Variants in OR52K1 observed in about 807,000 individuals in gnomAD.
The protein encoded by OR52K1 is olfactory receptor family 52 subfamily K member 1.
Under a neutral mutation model 8.7 loss-of-function variants are expected in OR52K1, and 10 were observed. The observed-to-expected ratio is 1.15, with a 90% CI of 0.71 to 1.95. The LOEUF is 1.95. Ranked by LOEUF, OR52K1 falls within the 30% of genes most tolerant of loss-of-function variation. The pLI, the probability that OR52K1 is intolerant of heterozygous loss-of-function variation, is 0.00. For missense variants in OR52K1, 431 were observed against 397.2 expected, an observed-to-expected ratio of 1.08 and a Z score of -0.72; for synonymous variants, 203 against 148.5, an observed-to-expected ratio of 1.37 and a Z score of -2.67.
At position 4,489,005 on chromosome 11, in the gene OR52K1, T is replaced by A. The variant is rs767884671; in HGVS notation, c.105T>A (p.Phe35Leu). 6.2e-7 allele frequency: 1 copy of A among 1,614,068 alleles called. No individual in the cohort carries two copies. The highest frequency in any genetic ancestry group is 1.3e-5 in the African/African-American group (1 of 74,934). The change falls in exon 2 of 2, where the codon TTT becomes TTA. Residue 35 changes from phenylalanine to leucine, a missense_variant. By Grantham distance (22) the Phe-to-Leu change is conservative (BLOSUM62 0). Coordinates refer to ENST00000641528, the MANE Select transcript of OR52K1 (RefSeq NM_001005171.3). ...CCTGGATCTCCATCCCCTTCTGCTTTGCTTATACTCTGGCCCTGCTAGGCA... is the reference window on the plus strand; with the variant it reads ...CCTGGATCTCCATCCCCTTCTGCTTAGCTTATACTCTGGCCCTGCTAGGCA... ...LHAWISIPFC[F>L]AYTLALLGNC...
chr11:4,489,528 G>C lies in OR52K1; in HGVS notation c.628G>C (p.Val210Leu). Reference sequence around the variant, plus strand: ...CATTGCTGTGGCCATGTTTATTGTGGTGTTGGACCTGCTCTTTGTTATCCT... The same window carrying C: ...CATTGCTGTGGCCATGTTTATTGTGCTGTTGGACCTGCTCTTTGTTATCCT... ...YGIAVAMFIVVLDLLFVILSY... is the reference protein window; with the variant it reads ...YGIAVAMFIVLLDLLFVILSY... The change falls in exon 2 of 2, where the codon GTG becomes CTG. Residue 210 changes from valine to leucine, a missense_variant. Coordinates refer to ENST00000641528, the MANE Select transcript of OR52K1 (RefSeq NM_001005171.3). 1 of 1,614,210 alleles carries C rather than the reference G, an allele frequency of 6.2e-7. No homozygotes were observed. Among genetic ancestry groups the C allele is most frequent in the Non-Finnish European group, 8.5e-7 (1 of 1,180,036 alleles).
rs149105516 is a variant in OR52K1, at chr11:4,493,035, G to GGA, written c.*3202_*3203dup. The GGA allele has an allele frequency of 0.03, 4,642 of 153,378 alleles. 85 individuals carry two copies. The highest frequency in any genetic ancestry group is 0.042 in the East Asian group (221 of 5,238). The allele number at this position is 153,378 out of a possible 1,614,324, so 9.5% of individuals were successfully genotyped here. On this transcript the variant is annotated 3_prime_UTR_variant, in exon 2 of 2. Coordinates refer to ENST00000641528, the MANE Select transcript of OR52K1 (RefSeq NM_001005171.3). ...CCCTTCCCTGTTTGGCAGCCAAGAA[G>GGA]GAGAGAGAGAGAGGACAGCTTACAC...
intron 1 of OR52K1, among the ~76,000 whole-genome samples, chr11:4,486,380 C>A (rs1207859945): frequency 6.6e-6 from 1 of 152,188 alleles, no homozygotes; most frequent in South Asian, 2.1e-4. Context: ...AGTAAGGCAA[C>A]TTTGGATCCA....
chr11:4,489,613 A>G lies in OR52K1; in HGVS notation c.713A>G (p.Lys238Arg), dbSNP rs1215956400. The G allele has an allele frequency of 6.2e-7, 1 of 1,614,144 alleles. No individual in the cohort carries two copies. The highest frequency in any genetic ancestry group is 1.1e-5 in the South Asian group (1 of 91,088). Residue 238 changes from lysine (K) to arginine (R), a missense_variant, in exon 2 of 2, where the codon AAG becomes AGG. Transcript: ENST00000641528. ...LQLASQEARY[K>R]AFGTCVSHIG... Reference sequence around the variant, plus strand: ...CTTGCCTCTCAGGAGGCCCGCTACAAGGCATTTGGGACATGTGTGTCTCAC... The same window carrying G: ...CTTGCCTCTCAGGAGGCCCGCTACAGGGCATTTGGGACATGTGTGTCTCAC...
Position 4,488,856 on chromosome 11 carries a change from G to C in OR52K1, c.-45G>C, listed in dbSNP as rs768819550. On this transcript the variant is annotated 5_prime_UTR_variant, in exon 2 of 2. Coordinates refer to ENST00000641528, the MANE Select transcript of OR52K1 (RefSeq NM_001005171.3). ...TATACTGTAGAAGGTATATATAGAA[G>C]GTGAAGAAGCCCTGTAAAAATTGAC... is the stretch of plus-strand genomic sequence containing the variant. 3.0e-6 allele frequency: 4 copies of C among 1,355,652 alleles called. No individual in the cohort carries two copies. In the Admixed American group the frequency reaches 7.0e-5, roughly 24 times the overall value. 84.0% of individuals were successfully genotyped at this position (1,355,652 alleles called of 1,614,324 possible). A position where few individuals can be genotyped will look rare whatever the true frequency, so the allele number is the denominator to read the frequency against.
At chr11:4,484,427 G>T (rs1484000791) in intron 1 of OR52K1, among the ~76,000 whole-genome samples, 1 of 152,102 alleles carries the variant, frequency 6.6e-6, no homozygotes, top group Non-Finnish European at 1.5e-5. Context: ...TATGATGCAG[G>T]AAGAAAAGAG....
intron 1 of OR52K1, among the ~76,000 whole-genome samples, chr11:4,485,257 A>T (rs1329924730): frequency 6.6e-6 from 1 of 152,104 alleles, no homozygotes; most frequent in East Asian, 1.9e-4. Flanking sequence ...CTCTTCTCCC[A>T]TCCATTCTTA....
At chr11:4,486,368 T>C (rs1846320921) in intron 1 of OR52K1, among the ~76,000 whole-genome samples, 1 of 152,220 alleles carries the variant, frequency 6.6e-6, no homozygotes, top group African/African-American at 2.4e-5. Context: ...ATTATCCATC[T>C]CAGTAAGGCA....
chr11:4,482,923 T>G lies in OR52K1; in HGVS notation c.-582T>G. ...ATAGAGGGAACAGAAGTCTCGATAG[T>G]CCCACCCAACTGTTTGGTACACAAA... On this transcript the variant is annotated 5_prime_UTR_variant, in exon 1 of 2. Coordinates refer to ENST00000641528, the MANE Select transcript of OR52K1 (RefSeq NM_001005171.3). 2.6e-6 allele frequency: 1 copy of G among 386,742 alleles called. No homozygotes were observed. Among genetic ancestry groups the G allele is most frequent in the East Asian group, 3.7e-5 (1 of 27,394 alleles). 24.0% of individuals were successfully genotyped at this position (386,742 alleles called of 1,614,324 possible). A position where few individuals can be genotyped will look rare whatever the true frequency, so the allele number is the denominator to read the frequency against.
Position 4,488,641 on chromosome 11 carries a change from A to C in OR52K1, c.-260A>C. ...TCCATTCCTTTATGAAAGTTGTCTTAGAATATTAAATATCCATAGAATTGA... is the reference window on the plus strand; with the variant it reads ...TCCATTCCTTTATGAAAGTTGTCTTCGAATATTAAATATCCATAGAATTGA... On this transcript the variant is annotated 5_prime_UTR_variant, in exon 2 of 2. Transcript: ENST00000641528. The C allele has an allele frequency of 2.2e-6, 1 of 446,784 alleles. No homozygotes were observed. The highest frequency in any genetic ancestry group is 4.0e-6 in the Non-Finnish European group (1 of 252,118). The allele number at this position is 446,784 out of a possible 1,614,324, so 27.7% of individuals were successfully genotyped here. A position where few individuals can be genotyped will look rare whatever the true frequency, so the allele number is the denominator to read the frequency against.
In OR52K1 at chr11:4,489,224, C is replaced by A. The variant is rs757354444; in HGVS notation, c.324C>A (p.Ser108=). 1 of 1,614,030 alleles carries A rather than the reference C, an allele frequency of 6.2e-7. No homozygotes were observed. Among genetic ancestry groups the A allele is most frequent in the African/African-American group, 1.3e-5 (1 of 74,868 alleles). ...TGGTCCAGATGTTCTTCCTTCACTCCTTCTCCATCATGGAGTCAGCAGTGC... is the reference window on the plus strand; with the variant it reads ...TGGTCCAGATGTTCTTCCTTCACTCATTCTCCATCATGGAGTCAGCAGTGC... ...ACLVQMFFLH[S]FSIMESAVLL... is the part of the protein sequence containing the mutation. The change falls in exon 2 of 2, where the codon TCC becomes TCA. Residue 108 remains serine, a synonymous_variant. Coordinates refer to ENST00000641528, the MANE Select transcript of OR52K1 (RefSeq NM_001005171.3).
chr11:4,483,515 A>G (rs1305225429), intron 1 of OR52K1, among the ~76,000 whole-genome samples: 1 of 152,240 alleles, frequency 6.6e-6, no homozygotes, highest in Non-Finnish European at 1.5e-5. Context: ...ACTCCTACTC[A>G]GAGCACTTCA....
In OR52K1 at chr11:4,489,957, G is replaced by C. The variant is rs1846360162; in HGVS notation, c.*112G>C. On this transcript the variant is annotated 3_prime_UTR_variant, in exon 2 of 2. Transcript: ENST00000641528. ...GCAGAGTATCTTTGACAATTCTCTA[G>C]TATGATAAGGAAAATGAGGTTTCAT... 3.9e-6 allele frequency: 3 copies of C among 761,778 alleles called. No individual in the cohort carries two copies. In the Admixed American group the frequency reaches 7.8e-5, roughly 20 times the overall value. 47.2% of individuals were successfully genotyped at this position (761,778 alleles called of 1,614,324 possible).
rs200081615 is a variant in OR52K1 at position 4,489,057 on chromosome 11, G to A, written c.157G>A (p.Ala53Thr). 3.1e-6 allele frequency: 5 copies of A among 1,614,108 alleles called. No individual in the cohort carries two copies. In the Admixed American group the frequency reaches 5.0e-5, roughly 16 times the overall value. Residue 53 changes from alanine (A) to threonine (T), a missense_variant, in exon 2 of 2, where the codon GCT (alanine) becomes ACT (threonine). Physicochemically the swap from Ala to Thr is moderately conservative, Grantham distance 58. Transcript: ENST00000641528. ...GNCTLLFIIQ[A>T]DAALHEPMYL... ...CTGTACCCTTCTCTTCATTATCCAG[G>A]CTGATGCAGCCCTCCATGAACCCAT...
At position 4,489,832 on chromosome 11, in the gene OR52K1, G is replaced by A. The variant is rs777709524; in HGVS notation, c.932G>A (p.Arg311Lys). The change falls in exon 2 of 2, where the codon AGA becomes AAA. Residue 311 changes from arginine (R) to lysine (K), a missense_variant. By Grantham distance (26) the Arg-to-Lys change is conservative. Transcript: ENST00000641528. ...GAGTATGTGCTCAGTCTATTCCAGA[G>A]AAAGAACATGTAGATGGATAGTTCT... The part of the protein sequence containing the change: ...IREYVLSLFQ[R>K]KNM 9.4e-6 allele frequency: 15 copies of A among 1,602,310 alleles called. No individual in the cohort carries two copies. The South Asian group carries it at 1.6e-4, about 17-fold the overall frequency.
At position 4,489,841 on chromosome 11, in the gene OR52K1, T is replaced by G. The variant is rs145878948; in HGVS notation, c.941T>G (p.Met314Arg). ...YVLSLFQRKN[M>R] ...CTCAGTCTATTCCAGAGAAAGAACA[T>G]GTAGATGGATAGTTCTCTTTTTTTA... The change falls in exon 2 of 2, where the codon ATG becomes AGG. Residue 314 changes from methionine to arginine, a missense_variant. Coordinates refer to ENST00000641528, the MANE Select transcript of OR52K1 (RefSeq NM_001005171.3). 6.3e-7 allele frequency: 1 copy of G among 1,583,990 alleles called. No individual in the cohort carries two copies. The highest frequency in any genetic ancestry group is 1.3e-5 in the African/African-American group (1 of 74,204).
rs1243115346 is a variant in OR52K1, at chr11:4,490,055, T to C, written c.*210T>C. 3.5e-6 allele frequency: 2 copies of C among 563,488 alleles called. No homozygotes were observed. Among genetic ancestry groups the C allele is most frequent in the Non-Finnish European group, 6.3e-6 (2 of 316,142 alleles). The allele number at this position is 563,488 out of a possible 1,614,324, so 34.9% of individuals were successfully genotyped here. On this transcript the variant is annotated 3_prime_UTR_variant, in exon 2 of 2. Coordinates refer to ENST00000641528, the MANE Select transcript of OR52K1 (RefSeq NM_001005171.3). The stretch of plus-strand genomic sequence containing the variant: ...CTGGTCTGATAGTAGAGGTTTGACC[T>C]TCCCATTGTCATAGACTCATCACAT...
Position 4,483,020 on chromosome 11 carries a change from G to A in OR52K1, c.-485G>A, listed in dbSNP as rs569577955. The A allele has an allele frequency of 1.5e-5, 6 of 396,798 alleles. No homozygotes were observed. In the South Asian group the frequency reaches 6.6e-4, roughly 44 times the overall value. 24.6% of individuals were successfully genotyped at this position (396,798 alleles called of 1,614,324 possible). A position where few individuals can be genotyped will look rare whatever the true frequency, so the allele number is the denominator to read the frequency against. On this transcript the variant is annotated 5_prime_UTR_variant, in exon 1 of 2. Coordinates refer to ENST00000641528, the MANE Select transcript of OR52K1 (RefSeq NM_001005171.3). ...GCCAAACACTGTGGGCCATCTCCAA[G>A]AAGTCTTAGTTGATTATTCCAGTTT...
intron 1 of OR52K1, among the ~76,000 whole-genome samples, chr11:4,487,225 C>T (rs1317343145): frequency 2.0e-5 from 3 of 152,200 alleles, no homozygotes; most frequent in Admixed American, 6.5e-5. Context: ...TTTAATGTCA[C>T]GGTAGATTAA....
Sources: allele counts gnomAD v4.1 joint callset (sites outside exome capture counted in the v4.1 genomes callset), GRCh38; gene constraint gnomAD v4.1.1; transcripts MANE v1.5; gene names NCBI Gene and HGNC (gene_info 2026-07-23, HGNC 2026-07-21).